CACNA1B: variants seen among roughly 807,000 people sequenced by gnomAD.
CACNA1B encodes the protein voltage-dependent N-type calcium channel subunit alpha-1B.
Under a neutral mutation model 247.2 loss-of-function variants are expected in CACNA1B, and 70 were observed. The observed-to-expected ratio is 0.28, with a 90% confidence interval of 0.23 to 0.35. The LOEUF is 0.35. Ranked by LOEUF, CACNA1B falls within the 10% of genes least tolerant of loss-of-function variation. The pLI is 1.00. For synonymous variants in CACNA1B, 1,231 were observed against 1,294.4 expected, an observed-to-expected ratio of 0.95 and a Z score of 1.05; for missense variants, 2,367 against 3,197.4, an observed-to-expected ratio of 0.74 and a Z score of 6.26.
chr9:138,006,596 T>A (rs945825590), intron 15 of CACNA1B, among the ~76,000 whole-genome samples, 171 bp from the exon 16 acceptor site: 2 of 152,226 alleles, frequency 1.3e-5, no homozygotes. Flanking sequence ...TGGAGGACCC[T>A]GGGATGCCCA....
intron 6 of CACNA1B, among the ~76,000 whole-genome samples, chr9:137,929,605 T>G (rs762443759): frequency 5.8e-4 from 89 of 152,274 alleles, no homozygotes; most frequent in Non-Finnish European, 1.1e-3. Flanking sequence ...ACCATCTTAG[T>G]GGGCATGAAG....
intron 15 of CACNA1B, among the ~76,000 whole-genome samples, chr9:138,005,565 T>C (rs563796832): frequency 6.6e-6 from 1 of 152,168 alleles, no homozygotes; most frequent in Non-Finnish European, 1.5e-5. Context: ...TGACTATAAC[T>C]AACAACAATA....
At chr9:138,002,488 C>T (rs925731041) in intron 15 of CACNA1B, among the ~76,000 whole-genome samples, 15 of 149,810 alleles carry the variant, frequency 1.0e-4, no homozygotes, top group African/African-American at 3.5e-4. Flanking sequence ...GTGGGAGTAT[C>T]GCTTGAGGCT....
At chr9:138,084,082 C>G (rs758707864) in intron 36 of CACNA1B, among the ~76,000 whole-genome samples, 6 of 150,994 alleles carry the variant, frequency 4.0e-5, no homozygotes, top group Admixed American at 6.6e-5. Context: ...GGAGTAGAAT[C>G]ACAGCTATAA....
chr9:138,047,761 C>T (rs1000426284), intron 23 of CACNA1B, among the ~76,000 whole-genome samples: 3 of 152,184 alleles, frequency 2.0e-5, no homozygotes, highest in South Asian at 2.1e-4. Context: ...CACATGTGGG[C>T]GGAGGCCCTT....
intron 3 of CACNA1B, among the ~76,000 whole-genome samples, chr9:137,904,185 C>T (rs7847988): frequency 0.29 from 44,039 of 151,898 alleles, 8,998 homozygotes; most frequent in East Asian, 0.63. Context: ...ATGCTCTGGA[C>T]CACTGGGGCT....
Position 138,120,250 on chromosome 9 carries a change from C to A in CACNA1B, c.6116C>A (p.Pro2039Gln), listed in dbSNP as rs199894458. Residue 2039 changes from proline to glutamine, a missense_variant, in exon 45 of 47, where the codon CCG becomes CAG. Pro to Gln is a moderately conservative substitution (Grantham distance 76, BLOSUM62 -1). Coordinates refer to ENST00000371372, the MANE Select transcript of CACNA1B (RefSeq NM_000718.4). ...PRGTHLCSTT[P>Q]DRPPPSQASS... ...GGGACTCATCTTTGCAGCACCACCC[C>A]GGACCGCCCACCCCCTAGCCAGGCG... 6.2e-7 allele frequency: 1 copy of A among 1,603,720 alleles called. No individual in the cohort carries two copies. Among genetic ancestry groups the A allele is most frequent in the East Asian group, 2.3e-5 (1 of 43,996 alleles).
At chr9:137,912,866 G>A (rs1398001424) in intron 3 of CACNA1B, among the ~76,000 whole-genome samples, 2 of 152,190 alleles carry the variant, frequency 1.3e-5, no homozygotes, top group African/African-American at 4.8e-5. Context: ...TTCCTGCCAT[G>A]CCAGGGGCCA....
intron 26 of CACNA1B, among the ~76,000 whole-genome samples, chr9:138,056,805 G>T (rs1434523161): frequency 6.6e-6 from 1 of 152,098 alleles, no homozygotes; most frequent in Admixed American, 6.5e-5. Flanking sequence ...GTGGTGTCTC[G>T]TGGTGGTTTT....
At chr9:137,998,023 T>G (rs1958519919) in intron 15 of CACNA1B, among the ~76,000 whole-genome samples, 1 of 152,216 alleles carries the variant, frequency 6.6e-6, no homozygotes, top group South Asian at 2.1e-4. Context: ...TGTCATATAC[T>G]GTTTATGATA....
intron 6 of CACNA1B, among the ~76,000 whole-genome samples, chr9:137,929,887 C>T (rs974065580): frequency 2.0e-4 from 30 of 152,136 alleles, no homozygotes; most frequent in African/African-American, 7.2e-4. Flanking sequence ...CTCCTGGGCT[C>T]AGGCGATTCT....
chr9:137,984,680 C>A (rs1448649847), intron 13 of CACNA1B, among the ~76,000 whole-genome samples: 1 of 152,220 alleles, frequency 6.6e-6, no homozygotes, highest in African/African-American at 2.4e-5. Flanking sequence ...TGCACCCTGC[C>A]ATGGTCCTGA....
At chr9:138,000,340 AG>A (rs1564230406) in intron 15 of CACNA1B, among the ~76,000 whole-genome samples, 4 of 151,946 alleles carry the variant, frequency 2.6e-5, no homozygotes, top group Non-Finnish European at 5.9e-5. Context: ...CCTCGTGATC[AG>A]CCCGCCTTGG....
At chr9:138,022,719 T>A (rs1269478703) in intron 18 of CACNA1B, among the ~76,000 whole-genome samples, 2 of 150,638 alleles carry the variant, frequency 1.3e-5, no homozygotes, top group Non-Finnish European at 3.0e-5. Context: ...GCATTCCCAC[T>A]GTCCTGTACC....
rs1588984617 is a variant in CACNA1B, at chr9:137,891,485, T to G, written c.530+8602T>G. On this transcript the variant is annotated intron_variant, in intron 3 of 46. Coordinates refer to ENST00000371372, the MANE Select transcript of CACNA1B (RefSeq NM_000718.4). The surrounding 1 kb of genome is among the most constrained non-coding windows in gnomAD (Gnocchi z 4.3). ...GCTCGCGAGGATGGCTAGGCTGGTG[T>G]GGTGCGGTGGCTGGGGGACAGGGGA... The G allele has an allele frequency of 6.3e-6, 1 of 157,700 alleles. No homozygotes were observed. Among genetic ancestry groups the G allele is most frequent in the Non-Finnish European group, 1.4e-5 (1 of 72,244 alleles). 9.8% of individuals were successfully genotyped at this position (157,700 alleles called of 1,614,324 possible). A position where few individuals can be genotyped will look rare whatever the true frequency, so the allele number is the denominator to read the frequency against.
Position 138,054,017 on chromosome 9 carries a change from G to A in CACNA1B, c.3968+11G>A. ...GGAGAGGGACTGCAGGTAAACTGAG[G>A]CAGGGTGCAAGGTGGGACACACAGC... On this transcript the variant is annotated intron_variant, in intron 26 of 46. Transcript: ENST00000371372. The surrounding 1 kb of genome is among the most constrained non-coding windows in gnomAD (Gnocchi z 4.6). 6.2e-7 allele frequency: 1 copy of A among 1,613,568 alleles called. No homozygotes were observed. Among genetic ancestry groups the A allele is most frequent in the Middle Eastern group, 1.7e-4 (1 of 6,054 alleles).
At chr9:138,078,327 A>C in intron 36 of CACNA1B, 69 bp downstream of exon 36, 2 of 1,460,214 alleles carry the variant, frequency 1.4e-6, no homozygotes, top group South Asian at 2.4e-5. Flanking sequence ...CTTCTCCCAC[A>C]TCTCCTGCTG....
Position 138,069,779 on chromosome 9 carries a change from C to T in CACNA1B, c.4674+16C>T, listed in dbSNP as rs1960054071. 3 of 1,607,576 alleles carry T rather than the reference C, an allele frequency of 1.9e-6. No individual in the cohort carries two copies. In the Admixed American group the frequency reaches 5.0e-5, roughly 27 times the overall value. On this transcript the variant is annotated intron_variant, in intron 32 of 46. Transcript: ENST00000371372. Reference sequence around the variant, plus strand: ...GTAGGAAACGGTTGGTTTCACGACTCTGAACGGTTCTTGCAAGTCCTTGCT... The same window carrying T: ...GTAGGAAACGGTTGGTTTCACGACTTTGAACGGTTCTTGCAAGTCCTTGCT...
At chr9:138,097,023 G>T (rs946160223) in intron 37 of CACNA1B, among the ~76,000 whole-genome samples, 1 of 151,640 alleles carries the variant, frequency 6.6e-6, no homozygotes, top group African/African-American at 2.4e-5. Flanking sequence ...CAGCCATAGC[G>T]TCCTTGTGAG....
Sources: allele counts gnomAD v4.1 joint callset (sites outside exome capture counted in the v4.1 genomes callset), GRCh38; gene constraint gnomAD v4.1.1; non-coding constraint Gnocchi (gnomAD v3.1); transcripts MANE v1.5; gene names NCBI Gene and HGNC (gene_info 2026-07-23, HGNC 2026-07-21).